The following ACVR1 variants were observed in gnomAD, a reference collection of about 807,000 sequenced individuals.
The protein encoded by ACVR1 is activin A receptor type 1, also known as activin receptor type-1.
Under a neutral mutation model 57.1 loss-of-function variants are expected in ACVR1, and 38 were observed. The ratio of observed to expected loss-of-function variants is 0.67; its 90% CI spans 0.51 to 0.87. The LOEUF is 0.87. ACVR1 is among the 40% of genes least tolerant of loss of function. The pLI is 0.00. For synonymous variants in ACVR1, 212 were observed against 228.1 expected (o/e 0.93, Z 0.63); for missense variants, 463 against 638.2 (o/e 0.73, Z 2.96).
chr2:157,874,563 A>T (rs912602060), intron 1 of ACVR1, among the ~76,000 whole-genome samples: 1 of 152,204 alleles, frequency 6.6e-6, no homozygotes, highest in Admixed American at 6.5e-5. Context: ...AAGGCCCGCC[A>T]CTTGGATCAG....
At chr2:157,870,017 C>T (rs1690063873) in intron 1 of ACVR1, among the ~76,000 whole-genome samples, 1 of 152,194 alleles carries the variant, frequency 6.6e-6, no homozygotes, top group Non-Finnish European at 1.5e-5. Context: ...TCAAGCACAT[C>T]TTACTTTCAC....
intron 7 of ACVR1, among the ~76,000 whole-genome samples, chr2:157,768,242 G>A (rs1350146517): frequency 1.3e-5 from 2 of 152,066 alleles, no homozygotes; most frequent in Admixed American, 1.3e-4. Context: ...CCTCGATGCT[G>A]CTTCTCTTGG....
chr2:157,864,983 C>A (rs1194342865), intron 1 of ACVR1, among the ~76,000 whole-genome samples: 22 of 150,312 alleles, frequency 1.5e-4, no homozygotes, highest in African/African-American at 5.4e-4. Flanking sequence ...GCCATATAAG[C>A]TCTGCTTTTA....
chr2:157,845,681 G>T (rs185486596), intron 1 of ACVR1, among the ~76,000 whole-genome samples: 1 of 152,156 alleles, frequency 6.6e-6, no homozygotes, highest in African/African-American at 2.4e-5. Flanking sequence ...ACAGGCAGGA[G>T]GAAAAGTCAG....
intron 1 of ACVR1, among the ~76,000 whole-genome samples, chr2:157,870,352 C>T (rs1558859900): frequency 1.3e-5 from 2 of 152,152 alleles, no homozygotes; most frequent in African/African-American, 2.4e-5. Flanking sequence ...TTTTCGATGG[C>T]ATGGTGATAT....
At chr2:157,770,920 T>C (rs1473118144) in intron 6 of ACVR1, among the ~76,000 whole-genome samples, 1 of 152,216 alleles carries the variant, frequency 6.6e-6, no homozygotes, top group Non-Finnish European at 1.5e-5. Context: ...GCCAAAAAAG[T>C]GTACATCAGT....
At position 157,780,336 on chromosome 2, in the gene ACVR1, C is replaced by G; in HGVS notation, c.331+1G>C. The G allele has an allele frequency of 6.2e-7, 1 of 1,614,160 alleles. No individual in the cohort carries two copies. Among genetic ancestry groups the G allele is most frequent in the Non-Finnish European group, 8.5e-7 (1 of 1,180,018 alleles). On this transcript the variant is annotated splice_donor_variant, in intron 4 of 10. Coordinates refer to ENST00000434821, the MANE Select transcript of ACVR1 (RefSeq NM_001111067.4). LOFTEE classifies it high-confidence loss of function. ...CTAGAAATAGAAAAGTCCATGGGAA[C>G]CTTTAGTGGGCAGCTGGGCCGTGAT...
intron 9 of ACVR1, among the ~76,000 whole-genome samples, 167 bp downstream of exon 9, chr2:157,760,713 G>C (rs1685612824): frequency 6.6e-6 from 1 of 152,100 alleles, no homozygotes; most frequent in Admixed American, 6.5e-5. Context: ...AAACATAAAA[G>C]CCATTACACT....
At chr2:157,830,649 C>CTT (rs920156624) in intron 1 of ACVR1, among the ~76,000 whole-genome samples, 10 of 150,020 alleles carry the variant, frequency 6.7e-5, no homozygotes, top group African/African-American at 2.2e-4. Flanking sequence ...ACTTGAAATA[C>CTT]TTATATACCA....
chr2:157,809,218 A>G (rs911284951), intron 2 of ACVR1, among the ~76,000 whole-genome samples: 2 of 152,176 alleles, frequency 1.3e-5, no homozygotes, highest in Non-Finnish European at 2.9e-5. Context: ...AAATAATGGA[A>G]TCACTAATTA....
chr2:157,775,223 A>T (rs138793196), intron 5 of ACVR1, among the ~76,000 whole-genome samples: 74 of 152,326 alleles, frequency 4.9e-4, no homozygotes, highest in African/African-American at 1.8e-3. Flanking sequence ...AAGAAAACAA[A>T]TAAAGCTTTC....
intron 1 of ACVR1, among the ~76,000 whole-genome samples, chr2:157,828,205 T>G (rs541453493): frequency 6.6e-6 from 1 of 152,168 alleles, no homozygotes; most frequent in Admixed American, 6.5e-5. Flanking sequence ...CCCAGCATTT[T>G]GGGAGGTCCA....
At chr2:157,756,955 C>A (rs1165542989) in intron 9 of ACVR1, among the ~76,000 whole-genome samples, 1 of 143,924 alleles carries the variant, frequency 6.9e-6, no homozygotes, top group Non-Finnish European at 1.5e-5. Flanking sequence ...TCTATCTACA[C>A]GTATTTTTTA....
At chr2:157,865,720 AG>A (rs1221093814) in intron 1 of ACVR1, among the ~76,000 whole-genome samples, 2 of 150,370 alleles carry the variant, frequency 1.3e-5, no homozygotes, top group Non-Finnish European at 3.0e-5. Context: ...TGAACCCGGG[AG>A]GCAGAGGTTG....
At chr2:157,820,796 C>T (rs1574107914) in intron 1 of ACVR1, among the ~76,000 whole-genome samples, 1 of 152,126 alleles carries the variant, frequency 6.6e-6, no homozygotes, top group Non-Finnish European at 1.5e-5. Context: ...TAATTCTCTG[C>T]CATGCACTGG....
At position 157,737,101 on chromosome 2, in the gene ACVR1, T is replaced by C. The variant is rs1684560598; in HGVS notation, c.*430A>G. 2 of 298,832 alleles carry C rather than the reference T, an allele frequency of 6.7e-6. No homozygotes were observed. The highest frequency in any genetic ancestry group is 2.1e-5 in the African/African-American group (1 of 47,986). The allele number at this position is 298,832 out of a possible 1,614,324, so 18.5% of individuals were successfully genotyped here. On this transcript the variant is annotated 3_prime_UTR_variant, in exon 11 of 11. Coordinates refer to ENST00000434821, the MANE Select transcript of ACVR1 (RefSeq NM_001111067.4). ...CAGTGCAAGTAAGGAATGCAAAGAA[T>C]TCCTAGTGCAATAAAGAAGAGAAGC...
At chr2:157,840,930 T>C (rs1427647130) in intron 1 of ACVR1, among the ~76,000 whole-genome samples, 2 of 152,222 alleles carry the variant, frequency 1.3e-5, no homozygotes, top group Non-Finnish European at 2.9e-5. Context: ...TTCAGAACCA[T>C]GGTGGGCTCA....
chr2:157,823,905 G>C (rs887314181), intron 1 of ACVR1, among the ~76,000 whole-genome samples: 4 of 152,102 alleles, frequency 2.6e-5, no homozygotes, highest in Non-Finnish European at 1.5e-5. Context: ...GCATAAAGAA[G>C]GTTCCATGCT....
intron 2 of ACVR1, among the ~76,000 whole-genome samples, chr2:157,803,472 G>C (rs2105310787): frequency 6.6e-6 from 1 of 152,238 alleles, no homozygotes; most frequent in Admixed American, 6.5e-5. Flanking sequence ...AAAAAAGAAT[G>C]TGGAAAGGGG....
Sources: allele counts gnomAD v4.1 joint callset (sites outside exome capture counted in the v4.1 genomes callset), GRCh38; gene constraint gnomAD v4.1.1; transcripts MANE v1.5; gene names NCBI Gene and HGNC (gene_info 2026-07-23, HGNC 2026-07-21).